Variants in KSR1 observed in about 807,000 individuals in gnomAD.
The protein encoded by KSR1 is kinase suppressor of ras.
A neutral mutation model predicts 92.9 loss-of-function variants in KSR1; 35 were observed. The observed-to-expected ratio is 0.38, with a 90% confidence interval of 0.29 to 0.50. The LOEUF is 0.50. Among genes scored for constraint, KSR1 ranks in the 20% least tolerant of loss-of-function variants. KSR1 has a pLI of 0.94. For missense variants in KSR1, 972 were observed against 1,158.5 expected, an observed-to-expected ratio of 0.84 and a Z score of 2.34; for synonymous variants, 467 against 472.6, an observed-to-expected ratio of 0.99 and a Z score of 0.15.
chr17:27,514,361 T>G (rs2069710937), intron 1 of KSR1, among the ~76,000 whole-genome samples: 1 of 152,138 alleles, frequency 6.6e-6, no homozygotes, highest in South Asian at 2.1e-4. Flanking sequence ...GCTATATATT[T>G]CAGAAAATTA....
At chr17:27,599,390 T>A (rs1035413765) in intron 10 of KSR1, among the ~76,000 whole-genome samples, 1 of 152,196 alleles carries the variant, frequency 6.6e-6, no homozygotes, top group African/African-American at 2.4e-5. Flanking sequence ...AAACCCCATC[T>A]CTACTAAAAA....
intron 1 of KSR1, among the ~76,000 whole-genome samples, chr17:27,498,360 C>G (rs959733534): frequency 3.4e-5 from 5 of 145,716 alleles, no homozygotes; most frequent in Non-Finnish European, 4.5e-5. Context: ...AAAAAAAAGG[C>G]TCTTGACCAA....
intron 2 of KSR1, among the ~76,000 whole-genome samples, chr17:27,575,983 G>A (rs186772225): frequency 1.5e-3 from 235 of 152,278 alleles, no homozygotes; most frequent in African/African-American, 5.3e-3. Flanking sequence ...TCCACTTCAC[G>A]TTCATTCAGG....
intron 1 of KSR1, among the ~76,000 whole-genome samples, chr17:27,469,897 T>C (rs1420637690): frequency 6.6e-6 from 1 of 152,130 alleles, no homozygotes; most frequent in African/African-American, 2.4e-5. Flanking sequence ...TGGAATCGTC[T>C]TTATATAGGC....
chr17:27,468,096 C>T (rs1597827025), intron 1 of KSR1, among the ~76,000 whole-genome samples: 2 of 151,296 alleles, frequency 1.3e-5, no homozygotes, highest in Admixed American at 6.6e-5. Context: ...GGATTACAGG[C>T]GTGAGCCACT....
chr17:27,465,676 A>C (rs904925937), intron 1 of KSR1: 2 of 152,242 alleles, frequency 1.3e-5, no homozygotes, highest in Non-Finnish European at 2.9e-5. Context: ...TTAGCAGCAT[A>C]CTGGTCATAA....
intron 9 of KSR1, among the ~76,000 whole-genome samples, chr17:27,593,178 G>C (rs1351537613): frequency 6.6e-6 from 1 of 152,232 alleles, no homozygotes; most frequent in East Asian, 1.9e-4. Context: ...GCCAGGTCAG[G>C]CTTCTCTGCT....
intron 9 of KSR1, among the ~76,000 whole-genome samples, chr17:27,594,729 C>T (rs966037395): frequency 3.3e-5 from 5 of 152,248 alleles, no homozygotes; most frequent in Middle Eastern, 3.4e-3. Flanking sequence ...CCTCTTTTCC[C>T]GCTACCTGCC....
At chr17:27,606,522 C>T (rs1489345816) in intron 14 of KSR1, among the ~76,000 whole-genome samples, 1 of 152,212 alleles carries the variant, frequency 6.6e-6, no homozygotes, top group Non-Finnish European at 1.5e-5. Flanking sequence ...CTGAGGTCTA[C>T]TCTCTTCTAA....
chr17:27,596,168 TAA>T (rs2073339189), intron 9 of KSR1, among the ~76,000 whole-genome samples: 1 of 152,210 alleles, frequency 6.6e-6, no homozygotes, highest in Non-Finnish European at 1.5e-5. Flanking sequence ...CAAGCACAGT[TAA>T]AACCAAAAAG....
intron 1 of KSR1, 94 bp downstream of exon 1, chr17:27,456,968 C>T: frequency 1.4e-6 from 1 of 698,856 alleles, no homozygotes; most frequent in Non-Finnish European, 2.6e-6. Context: ...ATCCTTGAGC[C>T]CGCGTCGCCC....
intron 1 of KSR1, among the ~76,000 whole-genome samples, chr17:27,490,666 C>T (rs2068794169): frequency 6.6e-6 from 1 of 152,180 alleles, no homozygotes; most frequent in Non-Finnish European, 1.5e-5. Context: ...TTGAGTTGTA[C>T]AAATAGGTAC....
chr17:27,531,583 G>T (rs1412953336), intron 1 of KSR1, among the ~76,000 whole-genome samples: 1 of 152,208 alleles, frequency 6.6e-6, no homozygotes, highest in Non-Finnish European at 1.5e-5. Flanking sequence ...CTGTGGGGCT[G>T]CTGAGATGTG....
chr17:27,491,242 G>T (rs2068814754), intron 1 of KSR1, among the ~76,000 whole-genome samples: 3 of 151,342 alleles, frequency 2.0e-5, no homozygotes, highest in Admixed American at 2.0e-4. Flanking sequence ...CTCTGGCCTT[G>T]GTCTCCTGAG....
intron 7 of KSR1, 126 bp downstream of exon 7, chr17:27,591,020 G>A: frequency 1.3e-6 from 1 of 775,222 alleles, no homozygotes; most frequent in Non-Finnish European, 2.1e-6. Flanking sequence ...GTCTCTTCAG[G>A]GAGACTAAGC....
chr17:27,592,558 A>G lies in KSR1; in HGVS notation c.1231A>G (p.Ile411Val). 3.1e-6 allele frequency: 5 copies of G among 1,614,000 alleles called. No homozygotes were observed. The highest frequency in any genetic ancestry group is 4.2e-6 in the Non-Finnish European group (5 of 1,179,878). Residue 411 changes from isoleucine to valine, a missense_variant, in exon 9 of 21, where the codon ATC becomes GTC. Coordinates refer to ENST00000644974, the MANE Select transcript of KSR1 (RefSeq NM_001394583.1). ...LRRTESVPSDINNPVDRAAEP... is the reference protein window; with the variant it reads ...LRRTESVPSDVNNPVDRAAEP... ...GAGGACAGAATCTGTCCCCTCGGAC[A>G]TCAACAACCCGGTGGACAGAGCAGC...
Position 27,588,119 on chromosome 17 carries a change from C to T in KSR1, c.986-356C>T, listed in dbSNP as rs1042203823. Reference sequence around the variant, plus strand: ...TGCACACTGGGGGCCTGTGGTGTGTCGGTGAGAGGTTGCAAGAGGTTGGGC... The same window carrying T: ...TGCACACTGGGGGCCTGTGGTGTGTTGGTGAGAGGTTGCAAGAGGTTGGGC... On this transcript the variant is annotated intron_variant, in intron 5 of 20. Transcript: ENST00000644974. 1.5e-4 allele frequency: 24 copies of T among 164,682 alleles called. 2 individuals carry two copies. Among genetic ancestry groups the T allele is most frequent in the South Asian group, 1.1e-3 (6 of 5,276 alleles). The allele number at this position is 164,682 out of a possible 1,614,324, so 10.2% of individuals were successfully genotyped here.
chr17:27,486,859 C>G (rs913330423), intron 1 of KSR1, among the ~76,000 whole-genome samples: 2 of 152,214 alleles, frequency 1.3e-5, no homozygotes, highest in African/African-American at 2.4e-5. Flanking sequence ...GAGTCTACCA[C>G]TCACTTGCTG....
chr17:27,567,326 C>T (rs2072118141), intron 2 of KSR1, among the ~76,000 whole-genome samples: 1 of 152,066 alleles, frequency 6.6e-6, no homozygotes, highest in Admixed American at 6.6e-5. Flanking sequence ...GGGTGGGGCT[C>T]ACATCTGTAA....
Sources: gnomAD v4.1 joint callset for allele counts (sites outside exome capture counted in the v4.1 genomes callset) on GRCh38, gnomAD v4.1.1 for gene constraint, MANE v1.5 for transcripts, NCBI Gene and HGNC (gene_info 2026-07-23, HGNC 2026-07-21) for gene names.